Variants in CTRC observed in about 807,000 individuals in gnomAD.
The protein encoded by CTRC is chymotrypsin C.
A neutral mutation model predicts 35.7 loss-of-function variants in CTRC; 32 were observed. The ratio of observed to expected loss-of-function variants is 0.90; its 90% CI spans 0.68 to 1.20. CTRC has a LOEUF of 1.20. Ranked by LOEUF, CTRC falls within the 50% of genes most tolerant of loss-of-function variation. The pLI, the probability that CTRC is intolerant of heterozygous loss-of-function variation, is 0.00. For synonymous variants in CTRC, 119 were observed against 149.5 expected, an observed-to-expected ratio of 0.80 and a Z score of 1.49; for missense variants, 324 against 361.5, an observed-to-expected ratio of 0.90 and a Z score of 0.84.
chr1:15,448,703 C>G lies in CTRC; in HGVS notation c.*2114C>G, dbSNP rs916963815. 6.6e-6 allele frequency: 1 copy of G among 151,944 alleles called. No homozygotes were observed. Among genetic ancestry groups the G allele is most frequent in the African/African-American group, 2.4e-5 (1 of 41,346 alleles). The allele number at this position is 151,944 out of a possible 1,614,324, so 9.4% of individuals were successfully genotyped here. The stretch of plus-strand genomic sequence containing the variant: ...ATGGGGTTTCACCATGTCGTCCAGG[C>G]TGGTCTCAAACTCCTGACCTCAGGT... On this transcript the variant is annotated 3_prime_UTR_variant, in exon 8 of 8. Coordinates refer to ENST00000375949, the MANE Select transcript of CTRC (RefSeq NM_007272.3).
chr1:15,443,266 C>T lies in CTRC; in HGVS notation c.357-153C>T, dbSNP rs562055855. Among the ~76,000 whole-genome samples the T allele has an allele frequency of 5.3e-5, 8 of 152,260 alleles. No individual in the cohort carries two copies. The East Asian group carries it at 5.8e-4, about 11-fold the overall frequency. The stretch of plus-strand genomic sequence containing the variant: ...TGGTGAATCGTTTGTCCTGATATTC[C>T]CAAAGGCCAAGAAGAAGCTGGCAGT... On this transcript the variant is annotated intron_variant, in intron 4 of 7. Coordinates refer to ENST00000375949, the MANE Select transcript of CTRC (RefSeq NM_007272.3).
intron 5 of CTRC, among the ~76,000 whole-genome samples, 174 bp downstream of exon 5, chr1:15,443,729 G>T (rs1422405994): frequency 6.6e-6 from 1 of 152,186 alleles, no homozygotes; most frequent in African/African-American, 2.4e-5. Flanking sequence ...CTCTAGCAAG[G>T]GTCTCTGAGA....
chr1:15,448,394 A>G lies in CTRC; in HGVS notation c.*1805A>G, dbSNP rs1474522222. The G allele has an allele frequency of 6.7e-6, 1 of 149,722 alleles. No individual in the cohort carries two copies. The highest frequency in any genetic ancestry group is 2.0e-4 in the East Asian group (1 of 5,100). 9.3% of individuals were successfully genotyped at this position (149,722 alleles called of 1,614,324 possible). ...CGCTCTCTCACCTGGGCTGTAGTGC[A>G]GTGGTGCCATCTCGGCTCACTGCAA... On this transcript the variant is annotated 3_prime_UTR_variant, in exon 8 of 8. Coordinates refer to ENST00000375949, the MANE Select transcript of CTRC (RefSeq NM_007272.3).
At chr1:15,442,815 C>T (rs1051458485) in intron 4 of CTRC, among the ~76,000 whole-genome samples, 1 of 152,160 alleles carries the variant, frequency 6.6e-6, no homozygotes, top group African/African-American at 2.4e-5. Flanking sequence ...CACAGTGTCT[C>T]TCCAGAGGCT....
chr1:15,442,159 G>T (rs1055948419), intron 3 of CTRC, among the ~76,000 whole-genome samples: 1 of 152,152 alleles, frequency 6.6e-6, no homozygotes, highest in Admixed American at 6.5e-5. Flanking sequence ...TGGAAGCTTG[G>T]ATGAGTTTAT....
Position 15,447,018 on chromosome 1 carries a change from C to T in CTRC, c.*429C>T. On this transcript the variant is annotated 3_prime_UTR_variant, in exon 8 of 8. Transcript: ENST00000375949. Reference sequence around the variant, plus strand: ...GAGGGGCCTGGCAGGTCCTCACAGCCCCCCAGCAGCAGGTGGAAGACAGGG... The same window carrying T: ...GAGGGGCCTGGCAGGTCCTCACAGCTCCCCAGCAGCAGGTGGAAGACAGGG... 3.2e-6 allele frequency: 1 copy of T among 316,498 alleles called. No homozygotes were observed. The highest frequency in any genetic ancestry group is 6.2e-6 in the Non-Finnish European group (1 of 161,920). 19.6% of individuals were successfully genotyped at this position (316,498 alleles called of 1,614,324 possible).
In CTRC at chr1:15,447,003, G is replaced by A. The variant is rs150631671; in HGVS notation, c.*414G>A. ...GATCCTACCTCCACCGAGGGGCCTG[G>A]CAGGTCCTCACAGCCCCCCAGCAGC... On this transcript the variant is annotated 3_prime_UTR_variant, in exon 8 of 8. Transcript: ENST00000375949. The A allele has an allele frequency of 9.1e-6, 3 of 330,076 alleles. No homozygotes were observed. The East Asian group carries it at 2.4e-4, about 26-fold the overall frequency. 20.4% of individuals were successfully genotyped at this position (330,076 alleles called of 1,614,324 possible). A position where few individuals can be genotyped will look rare whatever the true frequency, so the allele number is the denominator to read the frequency against.
chr1:15,442,858 G>C (rs1231681953), intron 4 of CTRC, among the ~76,000 whole-genome samples: 1 of 152,036 alleles, frequency 6.6e-6, no homozygotes, highest in South Asian at 2.1e-4. Context: ...AGTTCCTACT[G>C]TATGCCCACA....
In CTRC at chr1:15,441,983, C is replaced by T. The variant is rs76699679; in HGVS notation, c.231-464C>T. Among the ~76,000 whole-genome samples, 456 of 152,150 alleles carry T rather than the reference C, an allele frequency of 3.0e-3. 1 individual carries two copies. The highest frequency in any genetic ancestry group is 0.01 in the African/African-American group (431 of 41,528). ...TCTCAAACTCCTGGCCTCAAGCAATCCCCCCGTCTCGGCTTCCCAACGTGC... is the reference window on the plus strand; with the variant it reads ...TCTCAAACTCCTGGCCTCAAGCAATTCCCCCGTCTCGGCTTCCCAACGTGC... On this transcript the variant is annotated intron_variant, in intron 3 of 7. Transcript: ENST00000375949.
intron 6 of CTRC, 105 bp from the exon 7 acceptor site, chr1:15,445,492 A>G: frequency 8.2e-7 from 1 of 1,223,632 alleles, no homozygotes; most frequent in Non-Finnish European, 1.2e-6. Flanking sequence ...TCCACTAACT[A>G]AGGCTGAGAA....
In CTRC at chr1:15,443,491, A is replaced by G. The variant is rs1708166594; in HGVS notation, c.429A>G (p.Pro143=). 1 of 1,614,246 alleles carries G rather than the reference A, an allele frequency of 6.2e-7. No individual in the cohort carries two copies. Among genetic ancestry groups the G allele is most frequent in the East Asian group, 2.2e-5 (1 of 44,884 alleles). Residue 143 remains proline, a synonymous_variant, in exon 5 of 8, where the codon CCA becomes CCG. Coordinates refer to ENST00000375949, the MANE Select transcript of CTRC (RefSeq NM_007272.3). The stretch of plus-strand genomic sequence containing the variant: ...ACACCATCCAGGTGGCCTGCCTGCC[A>G]GAGAAGGACTCCCTGCTCCCCAAGG... The part of the protein sequence containing the change: ...LSDTIQVACL[P]EKDSLLPKDY...
At chr1:15,442,835 C>T (rs1708156770) in intron 4 of CTRC, among the ~76,000 whole-genome samples, 1 of 152,184 alleles carries the variant, frequency 6.6e-6, no homozygotes, top group South Asian at 2.1e-4. Flanking sequence ...TGGGCCAGCG[C>T]TCACCTTTAT....
chr1:15,445,527 C>A, intron 6 of CTRC, 70 bp from the exon 7 acceptor site: 1 of 1,550,096 alleles, frequency 6.5e-7, no homozygotes, highest in Non-Finnish European at 8.9e-7. Flanking sequence ...CCCACCCCAA[C>A]CCAGTCCTGC....
chr1:15,445,659 C>A lies in CTRC; in HGVS notation c.702C>A (p.Ile234=), dbSNP rs779469584. 2 of 1,614,068 alleles carry A rather than the reference C, an allele frequency of 1.2e-6. No individual in the cohort carries two copies. Among genetic ancestry groups the A allele is most frequent in the Admixed American group, 3.3e-5 (2 of 60,004 alleles). Residue 234 remains isoleucine, a synonymous_variant, in exon 7 of 8, where the codon ATC becomes ATA. Coordinates refer to ENST00000375949, the MANE Select transcript of CTRC (RefSeq NM_007272.3). Reference sequence around the variant, plus strand: ...ACGGTTCCTGGGAGGTGTTTGGCATCGTCAGCTTTGGCTCCCGGCGGGGCT... The same window carrying A: ...ACGGTTCCTGGGAGGTGTTTGGCATAGTCAGCTTTGGCTCCCGGCGGGGCT... The part of the protein sequence containing the change: ...LENGSWEVFG[I]VSFGSRRGCN...
At position 15,448,057 on chromosome 1, in the gene CTRC, G is replaced by A. The variant is rs973724224; in HGVS notation, c.*1468G>A. On this transcript the variant is annotated 3_prime_UTR_variant, in exon 8 of 8. Transcript: ENST00000375949. ...CGGGAGGAATCCAGGATGGCTTCCT[G>A]GAGGTGATGATGCCCAAGCTTGGTC... The A allele has an allele frequency of 1.3e-5, 2 of 152,204 alleles. No individual in the cohort carries two copies. The highest frequency in any genetic ancestry group is 1.3e-4 in the Admixed American group (2 of 15,270). The allele number at this position is 152,204 out of a possible 1,614,324, so 9.4% of individuals were successfully genotyped here.
chr1:15,444,552 G>C, intron 5 of CTRC, 54 bp from the exon 6 acceptor site: 1 of 1,611,782 alleles, frequency 6.2e-7, no homozygotes, highest in Non-Finnish European at 8.5e-7. Context: ...CCTGGGGAGG[G>C]GCTGGACTGG....
chr1:15,438,850 A>G (rs754383489), intron 1 of CTRC, among the ~76,000 whole-genome samples: 8 of 152,124 alleles, frequency 5.3e-5, no homozygotes, highest in Non-Finnish European at 8.8e-5. Flanking sequence ...TCCCTTGAGG[A>G]TTCTCCATTC....
intron 1 of CTRC, among the ~76,000 whole-genome samples, chr1:15,439,393 A>G (rs1262613084): frequency 6.6e-6 from 1 of 150,508 alleles, no homozygotes; most frequent in Admixed American, 6.7e-5. Flanking sequence ...ATCAAACTCC[A>G]GCCTGGGCAA....
At chr1:15,439,724 G>A (rs1186410194) in intron 1 of CTRC, among the ~76,000 whole-genome samples, 2 of 152,134 alleles carry the variant, frequency 1.3e-5, no homozygotes, top group African/African-American at 4.8e-5. Flanking sequence ...TCGCACACAT[G>A]CCAGCCAGTT....
Sources: gnomAD v4.1 joint callset for allele counts (sites outside exome capture counted in the v4.1 genomes callset) on GRCh38, gnomAD v4.1.1 for gene constraint, MANE v1.5 for transcripts, NCBI Gene and HGNC (gene_info 2026-07-23, HGNC 2026-07-21) for gene names.